RFX7: variants seen among roughly 807,000 people sequenced by gnomAD.
The protein encoded by RFX7 is regulatory factor X7, also known as DNA-binding protein RFX7.
A neutral mutation model predicts 111.8 loss-of-function variants in RFX7; 26 were observed. The observed-to-expected ratio is 0.23, with a 90% CI of 0.17 to 0.32. The LOEUF (loss-of-function observed/expected upper bound fraction) is 0.32, where lower values mean the gene tolerates loss of function less well. Ranked by LOEUF, RFX7 falls within the 10% of genes least tolerant of loss-of-function variation. The pLI is 1.00. For synonymous variants in RFX7, 624 were observed against 624.4 expected, an observed-to-expected ratio of 1.00 and a Z score of 0.01; for missense variants, 1,573 against 1,772.9, an observed-to-expected ratio of 0.89 and a Z score of 2.02.
chr15:56,125,875 C>G (rs149322741), intron 5 of RFX7, among the ~76,000 whole-genome samples: 172 of 152,164 alleles, frequency 1.1e-3, no homozygotes, highest in Non-Finnish European at 2.2e-3. Flanking sequence ...AATCTTTCTC[C>G]CCTGTATAAG....
At chr15:56,125,553 T>G (rs528481490) in intron 5 of RFX7, among the ~76,000 whole-genome samples, 3 of 152,160 alleles carry the variant, frequency 2.0e-5, no homozygotes, top group African/African-American at 7.2e-5. Flanking sequence ...GTTTTCCTTG[T>G]AGAAGTCTTT....
chr15:56,116,115 C>CAATTGAAT (rs2042006147), intron 5 of RFX7, among the ~76,000 whole-genome samples: 2 of 152,256 alleles, frequency 1.3e-5, no homozygotes, highest in African/African-American at 4.8e-5. Context: ...AATTATACTA[C>CAATTGAAT]ACTTAGTTAT....
At chr15:56,123,203 A>C (rs2042100269) in intron 5 of RFX7, among the ~76,000 whole-genome samples, 1 of 152,090 alleles carries the variant, frequency 6.6e-6, no homozygotes, top group Admixed American at 6.5e-5. Flanking sequence ...ATCTCACCTA[A>C]GACCTCTGGC....
intron 4 of RFX7, among the ~76,000 whole-genome samples, chr15:56,143,561 T>TATAA (rs1465933804): frequency 6.6e-6 from 1 of 152,108 alleles, no homozygotes; most frequent in Non-Finnish European, 1.5e-5. Context: ...AAGTATTACT[T>TATAA]ATAAATAAAT....
Position 56,096,673 on chromosome 15 carries a change from A to G in RFX7, c.1108-53T>C, listed in dbSNP as rs1455083142. On this transcript the variant is annotated intron_variant, in intron 9 of 9. Transcript: ENST00000559447. ...TTAACAGGTCTAGCCTGTAAATAGT[A>G]ATTCATGTATCTGTATATACTTTTA... is the stretch of plus-strand genomic sequence containing the variant. The G allele has an allele frequency of 2.7e-6, 4 of 1,473,602 alleles. No individual in the cohort carries two copies. In the Admixed American group the frequency reaches 9.4e-5, roughly 35 times the overall value. 91.3% of individuals were successfully genotyped at this position (1,473,602 alleles called of 1,614,324 possible).
intron 2 of RFX7, among the ~76,000 whole-genome samples, chr15:56,220,577 A>C (rs60307110): frequency 0.034 from 5,197 of 152,062 alleles, 327 homozygotes; most frequent in African/African-American, 0.12. Flanking sequence ...CAGACTCTGG[A>C]TATTAGACCT....
chr15:56,217,539 T>C (rs1159645570), intron 2 of RFX7, among the ~76,000 whole-genome samples: 2 of 152,128 alleles, frequency 1.3e-5, no homozygotes, highest in African/African-American at 4.8e-5. Flanking sequence ...GGAATGCATG[T>C]ACTATTATAA....
chr15:56,155,428 A>G (rs1038648946), intron 3 of RFX7, among the ~76,000 whole-genome samples: 2 of 152,204 alleles, frequency 1.3e-5, no homozygotes, highest in Non-Finnish European at 2.9e-5. Context: ...GGAATACTAT[A>G]CAGCCATAAA....
At chr15:56,217,129 C>T (rs2141206984) in intron 2 of RFX7, among the ~76,000 whole-genome samples, 1 of 152,220 alleles carries the variant, frequency 6.6e-6, no homozygotes, top group Non-Finnish European at 1.5e-5. Flanking sequence ...TCTATATAGA[C>T]ACATATGTAC....
chr15:56,225,838 T>C (rs1484869576), intron 2 of RFX7, among the ~76,000 whole-genome samples: 5 of 152,196 alleles, frequency 3.3e-5, no homozygotes, highest in Non-Finnish European at 5.9e-5. Flanking sequence ...GCTAATCACA[T>C]ATTTTCTTAG....
At chr15:56,126,174 C>T (rs2042142390) in intron 5 of RFX7, among the ~76,000 whole-genome samples, 1 of 152,142 alleles carries the variant, frequency 6.6e-6, no homozygotes, top group Non-Finnish European at 1.5e-5. Context: ...TATTTAGTTT[C>T]CTAGTATCAG....
intron 2 of RFX7, among the ~76,000 whole-genome samples, chr15:56,214,437 CAGGCG>C (rs2043342614): frequency 6.6e-6 from 1 of 152,128 alleles, no homozygotes; most frequent in South Asian, 2.1e-4. Context: ...TATAATAGGT[CAGGCG>C]CGGTGGCTCA....
Position 56,087,585 on chromosome 15 carries a change from G to C in RFX7, c.*5760C>G. ...GGTAAGTGTCTCCACTTAACTGCAA[G>C]GGAAGTTGGCAGATGCAGCCTTTTG... On this transcript the variant is annotated 3_prime_UTR_variant, in exon 10 of 10. Coordinates refer to ENST00000559447, the MANE Select transcript of RFX7 (RefSeq NM_022841.7). 2.2e-6 allele frequency: 1 copy of C among 456,320 alleles called. No individual in the cohort carries two copies. The highest frequency in any genetic ancestry group is 4.4e-6 in the Non-Finnish European group (1 of 226,684). 28.3% of individuals were successfully genotyped at this position (456,320 alleles called of 1,614,324 possible).
At position 56,093,039 on chromosome 15, in the gene RFX7, A is replaced by AAACT. The variant is rs1196334212; in HGVS notation, c.*302_*305dup. The AAACT allele has an allele frequency of 2.2e-5, 6 of 269,878 alleles. No individual in the cohort carries two copies. The highest frequency in any genetic ancestry group is 1.1e-4 in the African/African-American group (5 of 45,724). The allele number at this position is 269,878 out of a possible 1,614,324, so 16.7% of individuals were successfully genotyped here. On this transcript the variant is annotated 3_prime_UTR_variant, in exon 10 of 10. Coordinates refer to ENST00000559447, the MANE Select transcript of RFX7 (RefSeq NM_022841.7). ...TCTGTGCAGATCATCTGATGAAATG[A>AAACT]AACTAACTTACACAAAATAAAGATC...
intron 5 of RFX7, among the ~76,000 whole-genome samples, chr15:56,111,075 C>T (rs1465240840): frequency 4.3e-5 from 5 of 117,624 alleles, no homozygotes; most frequent in Middle Eastern, 4.2e-3. Context: ...AGGTGAGGGG[C>T]GCCTCTGCCC....
chr15:56,244,348 G>A (rs1035998021), upstream of RFX7: 7 of 152,116 alleles, frequency 4.6e-5, no homozygotes, highest in African/African-American at 1.7e-4. Context: ...CACCCTTTAG[G>A]TAATTCGGTC....
At chr15:56,213,238 T>C (rs1567048191) in intron 2 of RFX7, among the ~76,000 whole-genome samples, 1 of 152,320 alleles carries the variant, frequency 6.6e-6, no homozygotes, top group South Asian at 2.1e-4. Context: ...AACCTGTACA[T>C]AAATGTCTAC....
At chr15:56,150,941 A>T (rs1356354442) in intron 3 of RFX7, among the ~76,000 whole-genome samples, 1 of 152,172 alleles carries the variant, frequency 6.6e-6, no homozygotes, top group African/African-American at 2.4e-5. Context: ...TAATAGCCAA[A>T]TCGATCAACC....
intron 5 of RFX7, among the ~76,000 whole-genome samples, chr15:56,128,336 A>G (rs886903128): frequency 5.9e-5 from 9 of 152,220 alleles, no homozygotes; most frequent in African/African-American, 1.2e-4. Context: ...ATCCTTAACA[A>G]AAGACTGACA....
Sources: gnomAD v4.1 joint callset for allele counts (sites outside exome capture counted in the v4.1 genomes callset) on GRCh38, gnomAD v4.1.1 for gene constraint, MANE v1.5 for transcripts, NCBI Gene and HGNC (gene_info 2026-07-23, HGNC 2026-07-21) for gene names.